CTNNBL1: variants seen among roughly 807,000 people sequenced by gnomAD.
The protein encoded by CTNNBL1 is catenin beta like 1.
Under a neutral mutation model 72.7 loss-of-function variants are expected in CTNNBL1, and 31 were observed. The observed-to-expected ratio is 0.43, with a 90% confidence interval of 0.32 to 0.58. The LOEUF is 0.58. Ranked by LOEUF, CTNNBL1 falls within the 20% of genes least tolerant of loss-of-function variation. The probability of loss-of-function intolerance (pLI) is 0.08; values close to 1 mark genes in which losing one functional copy is unlikely to be tolerated. For synonymous variants in CTNNBL1, 240 were observed against 267.3 expected (o/e 0.90, Z 1.00); for missense variants, 534 against 725.1 (o/e 0.74, Z 3.03).
At chr20:37,694,947 G>GT (rs2072778340) in intron 1 of CTNNBL1, 1 of 152,238 alleles carries the variant, frequency 6.6e-6, no homozygotes, top group South Asian at 2.1e-4. Context: ...GCGAGGAGCA[G>GT]TAGAGCTGCA....
chr20:37,712,044 G>A (rs1213512058), intron 1 of CTNNBL1, among the ~76,000 whole-genome samples: 3 of 152,236 alleles, frequency 2.0e-5, no homozygotes, highest in African/African-American at 7.2e-5. Flanking sequence ...ATTCTGGCCA[G>A]CTTAGCTGTG....
chr20:37,753,688 A>G (rs1177956889), intron 4 of CTNNBL1, among the ~76,000 whole-genome samples: 1 of 152,210 alleles, frequency 6.6e-6, no homozygotes, highest in Non-Finnish European at 1.5e-5. Context: ...GACAATCTGT[A>G]TTATAGTGCT....
At chr20:37,815,568 T>A (rs2072049812) in intron 11 of CTNNBL1, among the ~76,000 whole-genome samples, 1 of 152,138 alleles carries the variant, frequency 6.6e-6, no homozygotes, top group African/African-American at 2.4e-5. Context: ...TCTGCCCCCC[T>A]CGGCCTCCCA....
intron 11 of CTNNBL1, among the ~76,000 whole-genome samples, chr20:37,834,417 T>C (rs1181800012): frequency 1.3e-5 from 2 of 152,244 alleles, no homozygotes; most frequent in Non-Finnish European, 2.9e-5. Context: ...CCGCAAAGAC[T>C]AATTCTGTAA....
intron 1 of CTNNBL1, among the ~76,000 whole-genome samples, chr20:37,730,835 C>T (rs567372863): frequency 6.6e-6 from 1 of 152,198 alleles, no homozygotes; most frequent in South Asian, 2.1e-4. Flanking sequence ...CAACAAAAGG[C>T]AACATGAGGT....
intron 10 of CTNNBL1, among the ~76,000 whole-genome samples, chr20:37,794,851 T>C (rs2073758082): frequency 6.6e-6 from 1 of 152,230 alleles, no homozygotes; most frequent in Admixed American, 6.5e-5. Flanking sequence ...TCTAAGTTGA[T>C]AGGGTTTTTC....
chr20:37,768,928 G>A (rs1021110641), intron 7 of CTNNBL1, among the ~76,000 whole-genome samples: 6 of 152,088 alleles, frequency 3.9e-5, no homozygotes, highest in Middle Eastern at 3.4e-3. Context: ...ACAGGTGTGC[G>A]CCACCACGCC....
At chr20:37,784,541 T>A (rs2073655392) in intron 10 of CTNNBL1, among the ~76,000 whole-genome samples, 1 of 152,218 alleles carries the variant, frequency 6.6e-6, no homozygotes, top group Non-Finnish European at 1.5e-5. Context: ...TACTATTTAA[T>A]AACCCATTAT....
At chr20:37,865,563 T>C (rs548425767) in intron 15 of CTNNBL1, among the ~76,000 whole-genome samples, 1 of 152,328 alleles carries the variant, frequency 6.6e-6, no homozygotes, top group East Asian at 1.9e-4. Flanking sequence ...TGTGGCTGCC[T>C]GCATGGGAAG....
At chr20:37,837,210 G>C (rs2235471) in intron 11 of CTNNBL1, among the ~76,000 whole-genome samples, 1 of 151,826 alleles carries the variant, frequency 6.6e-6, no homozygotes, top group East Asian at 1.9e-4. Context: ...TTCTCACCCC[G>C]AGCTGAGCTC....
At chr20:37,788,437 T>G (rs930466044) in intron 10 of CTNNBL1, among the ~76,000 whole-genome samples, 10 of 152,150 alleles carry the variant, frequency 6.6e-5, no homozygotes, top group Non-Finnish European at 8.8e-5. Flanking sequence ...GGAAGAGGAG[T>G]TAAAAAGCCT....
intron 4 of CTNNBL1, 55 bp from the exon 5 acceptor site, chr20:37,757,504 A>T: frequency 1.6e-6 from 2 of 1,284,230 alleles, no homozygotes; most frequent in Non-Finnish European, 2.2e-6. Flanking sequence ...ATCAAGGATT[A>T]AGAAAAATAC....
At chr20:37,865,130 C>T (rs1398114650) in intron 15 of CTNNBL1, among the ~76,000 whole-genome samples, 1 of 152,126 alleles carries the variant, frequency 6.6e-6, no homozygotes, top group African/African-American at 2.4e-5. Flanking sequence ...ATGCAGGGCA[C>T]TCACCTTTAG....
rs116254355 is a variant in CTNNBL1 at position 37,856,785 on chromosome 20, A to C, written c.1393-3114A>C. On this transcript the variant is annotated intron_variant, in intron 13 of 15. Coordinates refer to ENST00000361383, the MANE Select transcript of CTNNBL1 (RefSeq NM_030877.5). ...AATTTTTTTAACATGTGGGCACACTATACTTACTTTCTGGCCATTTCCTAG... is the reference window on the plus strand; with the variant it reads ...AATTTTTTTAACATGTGGGCACACTCTACTTACTTTCTGGCCATTTCCTAG... Among the ~76,000 whole-genome samples, 1,222 of 152,296 alleles carry C rather than the reference A, an allele frequency of 8.0e-3. 23 individuals are homozygous for C. The highest frequency in any genetic ancestry group is 0.027 in the African/African-American group (1,110 of 41,546).
Position 37,809,531 on chromosome 20 carries a change from T to G in CTNNBL1, c.1213+6483T>G, listed in dbSNP as rs6013118. Among the ~76,000 whole-genome samples the G allele has an allele frequency of 3.0e-3, 464 of 152,304 alleles. 5 individuals are homozygous for G. The highest frequency in any genetic ancestry group is 1.0e-2 in the African/African-American group (415 of 41,550). On this transcript the variant is annotated intron_variant, in intron 11 of 15. Transcript: ENST00000361383. ...TGGCTTTAGGTCATACAGTGGGTAATTGGCTAAACTGAGAGTCAGACCCTT... is the reference window on the plus strand; with the variant it reads ...TGGCTTTAGGTCATACAGTGGGTAAGTGGCTAAACTGAGAGTCAGACCCTT...
intron 11 of CTNNBL1, among the ~76,000 whole-genome samples, chr20:37,803,362 G>T (rs2073838395): frequency 6.6e-6 from 1 of 152,126 alleles, no homozygotes; most frequent in Non-Finnish European, 1.5e-5. Flanking sequence ...AGACCCTTTT[G>T]AAAAGAGTAA....
At chr20:37,802,368 G>A (rs560447634) in intron 10 of CTNNBL1, among the ~76,000 whole-genome samples, 2 of 152,176 alleles carry the variant, frequency 1.3e-5, no homozygotes, top group Non-Finnish European at 2.9e-5. Context: ...AGGGTAGGGG[G>A]TGTTAAGAGT....
chr20:37,868,627 A>G (rs1487039587), intron 15 of CTNNBL1, among the ~76,000 whole-genome samples: 4 of 152,134 alleles, frequency 2.6e-5, no homozygotes, highest in Non-Finnish European at 4.4e-5. Flanking sequence ...TTCTTAGCAC[A>G]GTTGGAGTGA....
chr20:37,859,873 A>G, intron 13 of CTNNBL1, 26 bp from the exon 14 acceptor site: 1 of 1,611,694 alleles, frequency 6.2e-7, no homozygotes, highest in Non-Finnish European at 8.5e-7. Context: ...TCCAGCTTTT[A>G]TTCCTAAACG....
Sources: gnomAD v4.1 joint callset for allele counts (sites outside exome capture counted in the v4.1 genomes callset) on GRCh38, gnomAD v4.1.1 for gene constraint, MANE v1.5 for transcripts, NCBI Gene and HGNC (gene_info 2026-07-23, HGNC 2026-07-21) for gene names.